Variants in AKR1B15 observed in about 807,000 individuals in gnomAD.
AKR1B15 encodes the protein aldo-keto reductase family 1 member B15, also known as estradiol 17-beta-dehydrogenase AKR1B15.
A neutral mutation model predicts 38.5 loss-of-function variants in AKR1B15; 49 were observed. That is an observed-to-expected ratio of 1.27 (90% CI 1.01 to 1.62). The LOEUF (loss-of-function observed/expected upper bound fraction) is 1.62, where lower values mean the gene tolerates loss of function less well. Ranked by LOEUF, AKR1B15 falls within the 40% of genes most tolerant of loss-of-function variation. The probability of loss-of-function intolerance (pLI) is 0.00; values close to 1 mark genes in which losing one functional copy is unlikely to be tolerated. For missense variants in AKR1B15, 411 were observed against 381.6 expected, an observed-to-expected ratio of 1.08 and a Z score of -0.64; for synonymous variants, 137 against 135.5, an observed-to-expected ratio of 1.01 and a Z score of -0.08.
rs1190279323 is a variant in AKR1B15 at position 134,569,452 on chromosome 7, G to C, written c.358G>C (p.Ala120Pro). 18 of 1,613,948 alleles carry C rather than the reference G, an allele frequency of 1.1e-5. No individual in the cohort carries two copies. Among genetic ancestry groups the C allele is most frequent in the Admixed American group, 5.0e-5 (3 of 60,004 alleles). Residue 120 changes from alanine to proline, a missense_variant, in exon 5 of 12, where the codon GCC (alanine) becomes CCC (proline). This residue lies in a region of AKR1B15 where 254 missense variants were observed against 212.4 expected (regional missense o/e 1.20). Coordinates refer to ENST00000457545, the MANE Select transcript of AKR1B15 (RefSeq NM_001080538.3). ...CTTTGAGAGACCCCTTGTGAGGAAA[G>C]CCTTTGAGAAGACCCTCAAGGACCT... The part of the protein sequence containing the change: ...TFFERPLVRK[A>P]FEKTLKDLKL...
intron 3 of AKR1B15, among the ~76,000 whole-genome samples, chr7:134,566,140 A>G (rs1221727871): frequency 1.3e-5 from 2 of 152,160 alleles, no homozygotes; most frequent in African/African-American, 2.4e-5. Context: ...CAAATAATCA[A>G]TAAATTAGCT....
At position 134,568,258 on chromosome 7, in the gene AKR1B15, G is replaced by C; in HGVS notation, c.251G>C (p.Gly84Ala). The C allele has an allele frequency of 6.2e-7, 1 of 1,614,124 alleles. No homozygotes were observed. The highest frequency in any genetic ancestry group is 8.5e-7 in the Non-Finnish European group (1 of 1,179,994). Residue 84 changes from glycine to alanine, a missense_variant, in exon 4 of 12, where the codon GGA (glycine) becomes GCA (alanine). Gly to Ala is a moderately conservative substitution (Grantham distance 60, BLOSUM62 0). Around this residue, in one of 3 missense-constraint regions of AKR1B15, gnomAD observed 254 missense variants for 212.4 expected, o/e 1.20. Coordinates refer to ENST00000457545, the MANE Select transcript of AKR1B15 (RefSeq NM_001080538.3). ...TTCTATGAGAATCAACATGAGGTGG[G>C]AGAAGCCATCCAAGAGAAGATCCAA... ...AYFYENQHEV[G>A]EAIQEKIQEK...
chr7:134,569,742 C>T (rs976035294), intron 5 of AKR1B15: 4 of 503,714 alleles, frequency 7.9e-6, no homozygotes, highest in Non-Finnish European at 1.4e-5. Flanking sequence ...ATTTCATGAA[C>T]ATTTATCACT....
intron 3 of AKR1B15, among the ~76,000 whole-genome samples, chr7:134,566,332 G>C (rs551334757): frequency 6.6e-6 from 1 of 152,084 alleles, no homozygotes; most frequent in Admixed American, 6.5e-5. Flanking sequence ...AGAGTCTCAG[G>C]CTTCACCCAG....
chr7:134,554,541 T>G (rs562755666), intron 1 of AKR1B15, among the ~76,000 whole-genome samples: 2 of 152,190 alleles, frequency 1.3e-5, no homozygotes, highest in African/African-American at 4.8e-5. Flanking sequence ...CTTCAGGACT[T>G]AACTAACCAA....
chr7:134,569,943 C>T lies in AKR1B15; in HGVS notation c.435+414C>T, dbSNP rs11763002. 2.9e-4 allele frequency: 50 copies of T among 175,286 alleles called. No homozygotes were observed. In the South Asian group the frequency reaches 4.4e-3, roughly 16 times the overall value. The allele number at this position is 175,286 out of a possible 1,614,324, so 10.9% of individuals were successfully genotyped here. A position where few individuals can be genotyped will look rare whatever the true frequency, so the allele number is the denominator to read the frequency against. On this transcript the variant is annotated intron_variant, in intron 5 of 11. Coordinates refer to ENST00000457545, the MANE Select transcript of AKR1B15 (RefSeq NM_001080538.3). ...GGGCACCTTAAGAACAGGATAACAG[C>T]GATGTTCAGGGAACAAGGGAGATAA...
In AKR1B15 at chr7:134,576,960, C is replaced by T. The variant is rs368171097; in HGVS notation, c.826-3C>T. On this transcript the variant is annotated splice_polypyrimidine_tract_variant and splice_region_variant and intron_variant, in intron 9 of 11. Coordinates refer to ENST00000457545, the MANE Select transcript of AKR1B15 (RefSeq NM_001080538.3). ...GGAAACATGATGTCCCCTTTCTGCA[C>T]AGGTTCTGATCCGTTTCCATATCCA... is the stretch of plus-strand genomic sequence containing the variant. The T allele has an allele frequency of 6.1e-5, 98 of 1,612,846 alleles. No homozygotes were observed. The highest frequency in any genetic ancestry group is 8.8e-5 in the South Asian group (8 of 91,036).
At position 134,576,344 on chromosome 7, in the gene AKR1B15, C is replaced by G. The variant is rs762336804; in HGVS notation, c.744-5C>G. 6.2e-7 allele frequency: 1 copy of G among 1,613,874 alleles called. No homozygotes were observed. Among genetic ancestry groups the G allele is most frequent in the Non-Finnish European group, 8.5e-7 (1 of 1,179,884 alleles). ...TTATTCACATCAGCATCTTTCTGCC[C>G]CTAGGGCCAAACCTGAGGACCCTTC... On this transcript the variant is annotated splice_region_variant and splice_polypyrimidine_tract_variant and intron_variant, in intron 8 of 11. Transcript: ENST00000457545.
intron 5 of AKR1B15, among the ~76,000 whole-genome samples, chr7:134,570,929 G>A (rs544529962): frequency 6.6e-6 from 1 of 152,318 alleles, no homozygotes; most frequent in South Asian, 2.1e-4. Flanking sequence ...ATGCCCTGGG[G>A]TTGCCCTCCC....
chr7:134,561,901 C>T (rs1042168934), intron 2 of AKR1B15, among the ~76,000 whole-genome samples: 3 of 152,214 alleles, frequency 2.0e-5, no homozygotes, highest in African/African-American at 7.2e-5. Flanking sequence ...AACGCTGCTT[C>T]TCACCTCTCC....
intron 5 of AKR1B15, among the ~76,000 whole-genome samples, chr7:134,570,766 G>A (rs1362810679): frequency 2.6e-5 from 4 of 152,132 alleles, no homozygotes; most frequent in Non-Finnish European, 5.9e-5. Flanking sequence ...AGACCTTGGA[G>A]CAGAAAGATG....
At chr7:134,555,342 C>T (rs770307884) in intron 1 of AKR1B15, among the ~76,000 whole-genome samples, 4 of 152,010 alleles carry the variant, frequency 2.6e-5, no homozygotes, top group Non-Finnish European at 5.9e-5. Flanking sequence ...GGACCTCATA[C>T]TGTCATCCTC....
intron 2 of AKR1B15, among the ~76,000 whole-genome samples, chr7:134,559,054 C>T (rs1385573075): frequency 6.6e-6 from 1 of 152,176 alleles, no homozygotes; most frequent in Non-Finnish European, 1.5e-5. Flanking sequence ...TGAACTGTCA[C>T]TCCACAGCCC....
intron 3 of AKR1B15, chr7:134,565,148 C>T (rs1056810183): frequency 2.0e-5 from 7 of 341,932 alleles, no homozygotes; most frequent in Non-Finnish European, 3.3e-5. Context: ...ACCGTGGAAA[C>T]TTTGTTCTTA....
At chr7:134,573,693 A>G (rs906890746) in intron 6 of AKR1B15, among the ~76,000 whole-genome samples, 2 of 152,168 alleles carry the variant, frequency 1.3e-5, no homozygotes, top group African/African-American at 4.8e-5. Context: ...TAAATTATCT[A>G]ATTGCTGAAT....
intron 6 of AKR1B15, 78 bp from the exon 7 acceptor site, chr7:134,575,341 GC>G (rs1794743955): frequency 6.5e-7 from 1 of 1,547,360 alleles, no homozygotes; most frequent in South Asian, 1.2e-5. Flanking sequence ...AGCAATTTCT[GC>G]CCCAGGGAAG....
intron 3 of AKR1B15, 116 bp from the exon 4 acceptor site, chr7:134,568,042 A>G (rs552379586): frequency 1.6e-6 from 2 of 1,268,918 alleles, no homozygotes; most frequent in East Asian, 2.5e-5. Context: ...CCAGCTACTC[A>G]GGAGTTGGGA....
At chr7:134,552,373 C>CT (rs1794016043) in intron 1 of AKR1B15, among the ~76,000 whole-genome samples, 1 of 152,138 alleles carries the variant, frequency 6.6e-6, no homozygotes, top group African/African-American at 2.4e-5. Context: ...TTTACAGACT[C>CT]TGTTTCCTCA....
At chr7:134,575,271 A>G in intron 6 of AKR1B15, 149 bp from the exon 7 acceptor site, 1 of 1,326,730 alleles carries the variant, frequency 7.5e-7, no homozygotes, top group Non-Finnish European at 1.0e-6. Context: ...ATGGGCACCC[A>G]GGCCCTGGAC....
Sources: gnomAD v4.1 joint callset for allele counts (sites outside exome capture counted in the v4.1 genomes callset) on GRCh38, gnomAD v4.1.1 for gene constraint, gnomAD v4.1.1 regional missense constraint, MANE v1.5 for transcripts, NCBI Gene and HGNC (gene_info 2026-07-23, HGNC 2026-07-21) for gene names.